The following ENDOV variants were observed in gnomAD, a reference collection of about 807,000 sequenced individuals.
The protein encoded by ENDOV is hEndoV.
A neutral mutation model predicts 39.4 loss-of-function variants in ENDOV; 37 were observed. The observed-to-expected ratio is 0.94, with a 90% CI of 0.72 to 1.23. The LOEUF is 1.23. ENDOV is among the 50% of genes most tolerant of loss of function. The pLI, the probability that ENDOV is intolerant of heterozygous loss-of-function variation, is 0.00. For synonymous variants in ENDOV, 186 were observed against 163.4 expected (o/e 1.14, Z -1.05); for missense variants, 441 against 375.7 (o/e 1.17, Z -1.44).
intron 2 of ENDOV, among the ~76,000 whole-genome samples, chr17:80,420,946 G>A (rs1292624476): frequency 1.3e-5 from 2 of 152,174 alleles, no homozygotes; most frequent in Non-Finnish European, 2.9e-5. Context: ...AAAGTGCTGG[G>A]ATTACAGGCG....
intron 2 of ENDOV, chr17:80,418,297 C>G (rs966133983): frequency 6.6e-6 from 1 of 152,206 alleles, no homozygotes; most frequent in African/African-American, 2.4e-5. Flanking sequence ...ACACAGCATT[C>G]CCTTCCCCCT....
chr17:80,427,489 G>C, intron 7 of ENDOV: 1 of 985,452 alleles, frequency 1.0e-6, no homozygotes, highest in African/African-American at 1.7e-5. Context: ...CAAAGAGCCT[G>C]CCAAATCCTG....
chr17:80,432,561 G>T (rs1425007057), intron 9 of ENDOV, among the ~76,000 whole-genome samples: 1 of 152,142 alleles, frequency 6.6e-6, no homozygotes, highest in Non-Finnish European at 1.5e-5. Context: ...GGACAGGGAG[G>T]CAGAGGTCCC....
chr17:80,425,397 C>T (rs1354796176), intron 6 of ENDOV, 95 bp from the exon 7 acceptor site: 1 of 1,497,454 alleles, frequency 6.7e-7, no homozygotes, highest in Non-Finnish European at 8.9e-7. Flanking sequence ...CCCTTGCCCC[C>T]AGGACATTTT....
intron 7 of ENDOV, among the ~76,000 whole-genome samples, chr17:80,426,011 C>T (rs1245530061): frequency 6.6e-6 from 1 of 152,206 alleles, no homozygotes; most frequent in Non-Finnish European, 1.5e-5. Context: ...AGCCAGGAGG[C>T]TCCTGCAGGA....
chr17:80,427,937 C>A, intron 7 of ENDOV: 1 of 1,158,886 alleles, frequency 8.6e-7, no homozygotes, highest in Non-Finnish European at 1.1e-6. Flanking sequence ...CGTTGCTTTC[C>A]ATGAGTCGTG....
chr17:80,429,672 T>G, intron 8 of ENDOV, 101 bp from the exon 9 acceptor site: 1 of 1,135,762 alleles, frequency 8.8e-7, no homozygotes, highest in Non-Finnish European at 1.3e-6. Flanking sequence ...AGGTCCTGAG[T>G]GTCCAGGCCA....
chr17:80,422,303 G>A, intron 4 of ENDOV, 58 bp downstream of exon 4: 3 of 1,587,470 alleles, frequency 1.9e-6, no homozygotes, highest in African/African-American at 1.3e-5. Context: ...GGGGGAGAGG[G>A]CACCTCTGTC....
chr17:80,435,202 G>A (rs2083530695), intron 9 of ENDOV, among the ~76,000 whole-genome samples: 1 of 152,088 alleles, frequency 6.6e-6, no homozygotes, highest in Non-Finnish European at 1.5e-5. Context: ...TTTCTTGTTA[G>A]TGTCCTTTGA....
Position 80,419,853 on chromosome 17 carries a change from G to C in ENDOV, c.229-1975G>C, listed in dbSNP as rs1312517286. 3 of 593,572 alleles carry C rather than the reference G, an allele frequency of 5.1e-6. No individual in the cohort carries two copies. The East Asian group carries it at 8.5e-5, about 17-fold the overall frequency. The allele number at this position is 593,572 out of a possible 1,614,324, so 36.8% of individuals were successfully genotyped here. On this transcript the variant is annotated intron_variant, in intron 2 of 9. Coordinates refer to ENST00000518137, the MANE Select transcript of ENDOV (RefSeq NM_173627.5). ...AACTGTCACCCACGCCATTTCAGTC[G>C]GTGTAGCTGGAAACACTGGTAGCTT...
chr17:80,436,455 CT>C lies in ENDOV; in HGVS notation c.*313del. On this transcript the variant is annotated 3_prime_UTR_variant, in exon 10 of 10. Coordinates refer to ENST00000518137, the MANE Select transcript of ENDOV (RefSeq NM_173627.5). ...CAGCTGAAGACGGTCCCTTCTAGTC[CT>C]AATTTGTTAAGTGTTTTTATCCTTA... 2 of 1,067,712 alleles carry C rather than the reference CT, an allele frequency of 1.9e-6. No individual in the cohort carries two copies. Among genetic ancestry groups the C allele is most frequent in the Non-Finnish European group, 1.2e-6 (1 of 808,416 alleles). 66.1% of individuals were successfully genotyped at this position (1,067,712 alleles called of 1,614,324 possible).
chr17:80,429,546 G>A (rs41301868), intron 8 of ENDOV, among the ~76,000 whole-genome samples: 1 of 152,354 alleles, frequency 6.6e-6, no homozygotes, highest in African/African-American at 2.4e-5. Context: ...TGAGAACTGA[G>A]GGAGCAGGTG....
chr17:80,417,970 T>C (rs1443018060), intron 2 of ENDOV: 1 of 152,212 alleles, frequency 6.6e-6, no homozygotes, highest in Admixed American at 6.5e-5. Flanking sequence ...CCTGCTTCCA[T>C]GGCTTTGTGC....
chr17:80,424,304 C>T (rs1054687202), intron 5 of ENDOV: 3 of 399,552 alleles, frequency 7.5e-6, no homozygotes, highest in Non-Finnish European at 1.3e-5. Flanking sequence ...TAGACCCACT[C>T]AATGAGCCAG....
chr17:80,424,316 C>A, intron 5 of ENDOV: 1 of 399,600 alleles, frequency 2.5e-6, no homozygotes, highest in South Asian at 1.3e-4. Flanking sequence ...ATGAGCCAGT[C>A]CACCGCCGCC....
chr17:80,421,466 G>A (rs2082017463), intron 2 of ENDOV, among the ~76,000 whole-genome samples: 1 of 150,206 alleles, frequency 6.7e-6, no homozygotes, highest in East Asian at 2.0e-4. Flanking sequence ...GTCCGGGGTG[G>A]GGGTTCTCAT....
chr17:80,430,151 T>A (rs1282596826), intron 9 of ENDOV: 2 of 1,513,770 alleles, frequency 1.3e-6, no homozygotes, highest in Admixed American at 4.1e-5. Flanking sequence ...CTTTGCTCCG[T>A]CATCGGCTGG....
At chr17:80,415,359 C>T (rs1441345012) in intron 1 of ENDOV, 109 bp downstream of exon 1, 7 of 1,338,604 alleles carry the variant, frequency 5.2e-6, no homozygotes, top group South Asian at 1.3e-5. Context: ...TGCCACCGCC[C>T]GAGACTCCAA....
At chr17:80,434,590 C>G (rs1424687128) in intron 9 of ENDOV, among the ~76,000 whole-genome samples, 1 of 152,146 alleles carries the variant, frequency 6.6e-6, no homozygotes, top group Non-Finnish European at 1.5e-5. Flanking sequence ...GTTCTGCACA[C>G]CCTCACCACC....
Sources: allele counts gnomAD v4.1 joint callset (sites outside exome capture counted in the v4.1 genomes callset), GRCh38; gene constraint gnomAD v4.1.1; transcripts MANE v1.5; gene names NCBI Gene and HGNC (gene_info 2026-07-23, HGNC 2026-07-21).